Variants in NAV3 observed in about 807,000 individuals in gnomAD.
NAV3 encodes the protein neuron navigator 3.
In NAV3, 87 loss-of-function variants were observed where a neutral mutation model predicts 244.7. That is an observed-to-expected ratio of 0.36 (90% CI 0.30 to 0.42). The LOEUF is 0.42. Among genes scored for constraint, NAV3 ranks in the 20% least tolerant of loss-of-function variants. The probability of loss-of-function intolerance (pLI) is 1.00; values close to 1 mark genes in which losing one functional copy is unlikely to be tolerated. For synonymous variants in NAV3, 1,126 were observed against 1,042.2 expected, an observed-to-expected ratio of 1.08 and a Z score of -1.55; for missense variants, 2,663 against 2,893.3, an observed-to-expected ratio of 0.92 and a Z score of 1.83.
chr12:77,628,820 A>G (rs935617174), intron 2 of NAV3, among the ~76,000 whole-genome samples: 1 of 151,052 alleles, frequency 6.6e-6, no homozygotes, highest in South Asian at 2.1e-4. Flanking sequence ...GAGCCCAGGA[A>G]CTCAAGGCAG....
At chr12:77,987,770 C>T (rs1007136405) in intron 5 of NAV3, among the ~76,000 whole-genome samples, 5 of 152,048 alleles carry the variant, frequency 3.3e-5, no homozygotes, top group African/African-American at 9.7e-5. Context: ...CAAGACATAT[C>T]GAGATATTCA....
intron 1 of NAV3, among the ~76,000 whole-genome samples, chr12:77,914,566 G>A (rs1477913474): frequency 6.6e-6 from 1 of 152,024 alleles, no homozygotes; most frequent in East Asian, 1.9e-4. Flanking sequence ...CAGAGGCATG[G>A]ACTAAATTCC....
rs1883028565 is a variant in NAV3, at chr12:78,053,262, G to A, written c.2516+2115G>A. 4.0e-5 allele frequency among the ~76,000 whole-genome samples: 6 copies of A among 151,108 alleles called. No homozygotes were observed. In the South Asian group the frequency reaches 1.3e-3, roughly 31 times the overall value. On this transcript the variant is annotated intron_variant, in intron 11 of 39. Coordinates refer to ENST00000397909, the MANE Select transcript of NAV3 (RefSeq NM_001024383.2). ...TATATATGTATGTATGTATGTATATGTATGTGTATGTATGTATATATACCT... is the reference window on the plus strand; with the variant it reads ...TATATATGTATGTATGTATGTATATATATGTGTATGTATGTATATATACCT...
chr12:77,899,636 G>T (rs1039766085), intron 1 of NAV3, among the ~76,000 whole-genome samples: 2 of 152,140 alleles, frequency 1.3e-5, no homozygotes, highest in Admixed American at 6.5e-5. Context: ...TGTGTGACTT[G>T]CTTTATTGCA....
chr12:77,914,145 T>G (rs1886893480), intron 1 of NAV3, among the ~76,000 whole-genome samples: 1 of 152,012 alleles, frequency 6.6e-6, no homozygotes, highest in African/African-American at 2.4e-5. Context: ...TCCCATAAAT[T>G]TATGTTTTGT....
chr12:77,758,513 T>A (rs537490156), intron 2 of NAV3, among the ~76,000 whole-genome samples: 15 of 152,318 alleles, frequency 9.8e-5, no homozygotes, highest in Middle Eastern at 3.4e-3. Flanking sequence ...TATCACTGCA[T>A]ACCCCAAGTT....
intron 2 of NAV3, among the ~76,000 whole-genome samples, chr12:77,737,816 G>A (rs542580197): frequency 1.7e-3 from 258 of 152,262 alleles, no homozygotes; most frequent in African/African-American, 5.9e-3. Flanking sequence ...ACATATGTGT[G>A]TTTTCGGTAT....
At chr12:78,125,215 A>T (rs569691103) in intron 16 of NAV3, among the ~76,000 whole-genome samples, 1 of 152,276 alleles carries the variant, frequency 6.6e-6, no homozygotes, top group Non-Finnish European at 1.5e-5. Context: ...GTTAATGTAA[A>T]TTTTAAGGCA....
intron 2 of NAV3, among the ~76,000 whole-genome samples, chr12:77,578,558 T>C (rs1484726328): frequency 6.6e-6 from 1 of 152,204 alleles, no homozygotes; most frequent in Non-Finnish European, 1.5e-5. Flanking sequence ...TCTACAGTTC[T>C]GGTATTCATA....
intron 5 of NAV3, among the ~76,000 whole-genome samples, chr12:77,970,287 T>A (rs1252164001): frequency 6.6e-6 from 1 of 152,114 alleles, no homozygotes; most frequent in African/African-American, 2.4e-5. Flanking sequence ...AACCTTGAGT[T>A]TGGTAATTAG....
At chr12:77,823,394 A>G (rs1042439968) in intron 2 of NAV3, among the ~76,000 whole-genome samples, 7 of 152,176 alleles carry the variant, frequency 4.6e-5, no homozygotes, top group Non-Finnish European at 1.0e-4. Context: ...TTGACAGAGG[A>G]CTTATAGAGG....
Position 78,118,129 on chromosome 12 carries a change from G to C in NAV3, c.2872G>C (p.Gly958Arg). The change falls in exon 14 of 40, where the codon GGT becomes CGT. Residue 958 changes from glycine (G) to arginine (R), a missense_variant. Gly to Arg is a moderately radical substitution (Grantham distance 125). Around this residue, in one of 6 missense-constraint regions of NAV3, gnomAD observed 1,521 missense variants for 1,497.0 expected, o/e 1.02. Coordinates refer to ENST00000397909, the MANE Select transcript of NAV3 (RefSeq NM_001024383.2). Reference sequence around the variant, plus strand: ...AGATTTTGACAGCCATGGGGATGCTGGTGGCAAGTGGAAGACTGTGTCCTC... The same window carrying C: ...AGATTTTGACAGCCATGGGGATGCTCGTGGCAAGTGGAAGACTGTGTCCTC... ...EEDFDSHGDA[G>R]GKWKTVSSGL... 1 of 1,614,058 alleles carries C rather than the reference G, an allele frequency of 6.2e-7. No homozygotes were observed. Among genetic ancestry groups the C allele is most frequent in the South Asian group, 1.1e-5 (1 of 91,064 alleles).
At chr12:77,945,286 A>T (rs1448164197) in intron 3 of NAV3, among the ~76,000 whole-genome samples, 1 of 152,094 alleles carries the variant, frequency 6.6e-6, no homozygotes, top group Non-Finnish European at 1.5e-5. Flanking sequence ...GAAGAGGAGG[A>T]AATTTTGGTC....
At chr12:77,753,096 C>A (rs1384116502) in intron 2 of NAV3, among the ~76,000 whole-genome samples, 1 of 152,154 alleles carries the variant, frequency 6.6e-6, no homozygotes, top group Non-Finnish European at 1.5e-5. Flanking sequence ...CTCAGTTCAT[C>A]CATATTTTGG....
chr12:78,154,496 G>C (rs1957222607), intron 22 of NAV3, among the ~76,000 whole-genome samples: 1 of 150,780 alleles, frequency 6.6e-6, no homozygotes, highest in South Asian at 2.1e-4. Flanking sequence ...TGGCATCATA[G>C]TAATTCTCTT....
intron 12 of NAV3, among the ~76,000 whole-genome samples, chr12:78,116,208 A>T (rs1955369015): frequency 6.6e-6 from 1 of 152,144 alleles, no homozygotes; most frequent in African/African-American, 2.4e-5. Flanking sequence ...GTTATCATGG[A>T]TGGAAATGTG....
chr12:77,825,049 G>A (rs950842819), intron 2 of NAV3, among the ~76,000 whole-genome samples: 3 of 152,288 alleles, frequency 2.0e-5, no homozygotes, highest in East Asian at 3.9e-4. Context: ...AACTATGCAA[G>A]GGAAAATACA....
At chr12:77,994,913 CA>C in intron 6 of NAV3, 42 bp downstream of exon 6, 1 of 1,316,448 alleles carries the variant, frequency 7.6e-7, no homozygotes, top group Non-Finnish European at 1.1e-6. Context: ...TAGTGATATG[CA>C]AATAAATACC....
chr12:77,740,483 G>A (rs1868308295), intron 2 of NAV3, among the ~76,000 whole-genome samples: 1 of 151,994 alleles, frequency 6.6e-6, no homozygotes, highest in Admixed American at 6.6e-5. Context: ...TTTGTGGGGT[G>A]GTGGTGGGCC....
Sources: gnomAD v4.1 joint callset for allele counts (sites outside exome capture counted in the v4.1 genomes callset) on GRCh38, gnomAD v4.1.1 for gene constraint, gnomAD v4.1.1 regional missense constraint, MANE v1.5 for transcripts, NCBI Gene and HGNC (gene_info 2026-07-23, HGNC 2026-07-21) for gene names.